LRRC56: variants seen among roughly 807,000 people sequenced by gnomAD.
LRRC56 encodes leucine-rich repeat-containing protein 56.
Under a neutral mutation model 47.8 loss-of-function variants are expected in LRRC56, and 41 were observed. That is an observed-to-expected ratio of 0.86 (90% CI 0.67 to 1.11). The LOEUF is 1.11. Ranked by LOEUF, LRRC56 falls within the 50% of genes most tolerant of loss-of-function variation. The probability of loss-of-function intolerance (pLI) is 0.00; values close to 1 mark genes in which losing one functional copy is unlikely to be tolerated. For missense variants in LRRC56, 759 were observed against 704.2 expected, an observed-to-expected ratio of 1.08 and a Z score of -0.88; for synonymous variants, 387 against 311.2, an observed-to-expected ratio of 1.24 and a Z score of -2.56.
chr11:534,727 G>A (rs1851349320), upstream of LRRC56: 1 of 265,080 alleles, frequency 3.8e-6, no homozygotes, highest in Non-Finnish European at 7.4e-6. Context: ...TCCAGAACAG[G>A]TCTGGCCACG....
At chr11:518,999 C>G in the LRRC56 span, among the ~76,000 whole-genome samples, 12 of 152,266 alleles carry the variant, frequency 7.9e-5, no homozygotes, top group East Asian at 1.7e-3. Flanking sequence ...CGAGGGCGCG[C>G]GAGGCGCCGC....
chr11:535,145 T>TACGCCGGCGTGGGGACCGTGCCC (rs1256492244), upstream of LRRC56: 3 of 151,584 alleles, frequency 2.0e-5, no homozygotes, highest in African/African-American at 7.3e-5. Flanking sequence ...GGCTCCCGGG[T>TACGCCGGCGTGGGGACCGTGCCC]ACGCCGGCGT....
chr11:520,711 C>G, the LRRC56 span, among the ~76,000 whole-genome samples: 1 of 152,136 alleles, frequency 6.6e-6, no homozygotes, highest in Non-Finnish European at 1.5e-5. Flanking sequence ...TCAGAGCCCC[C>G]CGAGTCGCCC....
chr11:533,924 CA>C, upstream of LRRC56: 1 of 1,612,470 alleles, frequency 6.2e-7, no homozygotes, highest in Non-Finnish European at 8.5e-7. Flanking sequence ...CATCAATGAC[CA>C]CCTGCTTCCG....
the LRRC56 span, among the ~76,000 whole-genome samples, chr11:514,583 T>TTAC: frequency 6.6e-6 from 1 of 151,652 alleles, no homozygotes; most frequent in Admixed American, 6.6e-5. Context: ...GCCCAGCCTA[T>TTAC]TATTATTATT....
At chr11:535,358 T>C (rs1851424011), upstream of LRRC56, 1 of 145,924 alleles carries the variant, frequency 6.9e-6, no homozygotes, top group African/African-American at 2.5e-5. Flanking sequence ...CCGCGCGTAT[T>C]GCTGCCGCCT....
the LRRC56 span, among the ~76,000 whole-genome samples, chr11:523,497 G>T: frequency 2.0e-5 from 3 of 151,738 alleles, no homozygotes; most frequent in Admixed American, 1.3e-4. Context: ...CACGTGTGGT[G>T]GTGGGCACCC....
At chr11:540,158 A>G (rs4963127) in intron 3 of LRRC56, among the ~76,000 whole-genome samples, 58,596 of 152,120 alleles carry the variant, frequency 0.39, 12,084 homozygotes, top group African/African-American at 0.53. Context: ...AGGAGAGGGC[A>G]GCTGCCTGCA....
At chr11:533,642 G>C (rs375983338), upstream of LRRC56, 58 of 1,613,260 alleles carry the variant, frequency 3.6e-5, no homozygotes, top group African/African-American at 8.0e-5. Flanking sequence ...AGCTGGCTAC[G>C]GGGGCTGCAG....
At chr11:507,839 G>T in the LRRC56 span, among the ~76,000 whole-genome samples, 2 of 152,180 alleles carry the variant, frequency 1.3e-5, no homozygotes, top group East Asian at 1.9e-4. Context: ...CCTTTGTTTC[G>T]TGGGACCCCA....
chr11:529,862 C>G, the LRRC56 span: 1 of 152,212 alleles, frequency 6.6e-6, no homozygotes, highest in Non-Finnish European at 1.5e-5. Context: ...CCCAAGGGGT[C>G]AGCTCCCACA....
rs781714672 is a variant in LRRC56, at chr11:550,184, G to A, written c.536G>A (p.Arg179His). The change falls in exon 8 of 14, where the codon CGC becomes CAC. Residue 179 changes from arginine to histidine, a missense_variant. Transcript: ENST00000270115. ...GNSVEDLGQV[R>H]YLQLCPRLAM... is the part of the protein sequence containing the mutation. ...AGCGTGGAGGACCTGGGGCAGGTGC[G>A]CTACTTGCAGCTGTGCCCACGCCTG... 18 of 1,612,888 alleles carry A rather than the reference G, an allele frequency of 1.1e-5. No homozygotes were observed. Among genetic ancestry groups the A allele is most frequent in the South Asian group, 5.5e-5 (5 of 91,066 alleles).
At position 540,584 on chromosome 11, in the gene LRRC56, G is replaced by C. The variant is rs11246178; in HGVS notation, c.-11-90G>C. 6.9e-5 allele frequency: 77 copies of C among 1,119,560 alleles called. No homozygotes were observed. The Admixed American group carries it at 1.7e-3, about 25-fold the overall frequency. 69.4% of individuals were successfully genotyped at this position (1,119,560 alleles called of 1,614,324 possible). On this transcript the variant is annotated intron_variant, in intron 3 of 13. Coordinates refer to ENST00000270115, the MANE Select transcript of LRRC56 (RefSeq NM_198075.4). ...GCCAAGGGCTTGCTGTGACGGGGGC[G>C]GGGGGTTGAGGGCTGGGCCAGGGTC...
chr11:531,345 G>A, the LRRC56 span, among the ~76,000 whole-genome samples: 4 of 152,290 alleles, frequency 2.6e-5, no homozygotes, highest in African/African-American at 9.6e-5. Context: ...GCCTGGCCCA[G>A]CCTCAACCCG....
chr11:532,561 G>A (rs1851165842), upstream of LRRC56: 3 of 1,570,338 alleles, frequency 1.9e-6, no homozygotes, highest in Non-Finnish European at 2.6e-6. Context: ...CCGCAGGCCA[G>A]GAGACCGGCA....
chr11:510,210 A>G, the LRRC56 span, among the ~76,000 whole-genome samples: 3 of 152,194 alleles, frequency 2.0e-5, no homozygotes, highest in African/African-American at 7.2e-5. Flanking sequence ...GATGCCATCT[A>G]GAGAAAACAC....
intron 1 of LRRC56, among the ~76,000 whole-genome samples, chr11:538,323 A>G (rs1851621958): frequency 2.0e-5 from 3 of 152,164 alleles, no homozygotes; most frequent in East Asian, 3.9e-4. Flanking sequence ...CACGCCCTCC[A>G]TGAGGCTCGA....
At chr11:534,069 G>A, upstream of LRRC56, 1 of 1,217,346 alleles carries the variant, frequency 8.2e-7, no homozygotes. Flanking sequence ...GCTGAGACGA[G>A]GGACTCCCCT....
chr11:527,890 C>G, the LRRC56 span, among the ~76,000 whole-genome samples: 2 of 152,070 alleles, frequency 1.3e-5, no homozygotes, highest in Non-Finnish European at 2.9e-5. Context: ...TTAGTAGAGA[C>G]AGGGTTTCTC....
Sources: gnomAD v4.1 joint callset for allele counts (sites outside exome capture counted in the v4.1 genomes callset) on GRCh38, gnomAD v4.1.1 for gene constraint, MANE v1.5 for transcripts, NCBI Gene and HGNC (gene_info 2026-07-23, HGNC 2026-07-21) for gene names.